Variants in PDE1A observed in about 807,000 individuals in gnomAD.
The protein encoded by PDE1A is phosphodiesterase 1A.
In PDE1A, 35 loss-of-function variants were observed where a neutral mutation model predicts 61.7. That is an observed-to-expected ratio of 0.57 (90% CI 0.43 to 0.75). The LOEUF (loss-of-function observed/expected upper bound fraction) is 0.75, where lower values mean the gene tolerates loss of function less well. PDE1A is among the 30% of genes least tolerant of loss of function. The probability of loss-of-function intolerance (pLI) is 0.00; values close to 1 mark genes in which losing one functional copy is unlikely to be tolerated. For missense variants in PDE1A, 597 were observed against 630.6 expected (o/e 0.95, Z 0.57); for synonymous variants, 232 against 213.2 (o/e 1.09, Z -0.77).
chr2:182,201,856 T>A, intron 8 of PDE1A, 67 bp from the exon 9 acceptor site: 4 of 920,930 alleles, frequency 4.3e-6, no homozygotes, highest in Non-Finnish European at 6.9e-6. Flanking sequence ...AACACTTCAA[T>A]AAATAATCAC....
intron 1 of PDE1A, among the ~76,000 whole-genome samples, chr2:182,398,617 A>T (rs1212170362): frequency 6.6e-6 from 1 of 151,994 alleles, no homozygotes; most frequent in Non-Finnish European, 1.5e-5. Context: ...ATAATTACAC[A>T]ACACTAAGTC....
chr2:182,140,827 A>G (rs950626056), exon 15 of PDE1A: 8 of 151,750 alleles, frequency 5.3e-5, no homozygotes, highest in Admixed American at 2.0e-4. Flanking sequence ...AAAACAAAGG[A>G]AGGAATAAAT....
intron 1 of PDE1A, among the ~76,000 whole-genome samples, chr2:182,370,417 G>A (rs1700068027): frequency 6.6e-6 from 1 of 152,104 alleles, no homozygotes; most frequent in Non-Finnish European, 1.5e-5. Flanking sequence ...CAGACAGTTG[G>A]TGAGAGAATG....
chr2:182,397,216 A>G (rs185365033), intron 1 of PDE1A, among the ~76,000 whole-genome samples: 4 of 152,226 alleles, frequency 2.6e-5, no homozygotes, highest in Non-Finnish European at 4.4e-5. Flanking sequence ...AGTAACAATA[A>G]TGAACCTAAC....
chr2:182,577,036 T>G, the PDE1A span, among the ~76,000 whole-genome samples: 2 of 152,230 alleles, frequency 1.3e-5, no homozygotes, highest in Non-Finnish European at 2.9e-5. Context: ...ATGAGTTGCT[T>G]TCTCTATTGA....
chr2:182,206,666 T>C (rs112472973), intron 7 of PDE1A, among the ~76,000 whole-genome samples: 5 of 152,318 alleles, frequency 3.3e-5, no homozygotes, highest in Admixed American at 1.3e-4. Context: ...ATGTTGCTGA[T>C]ATGGTTTGGC....
intron 2 of PDE1A, among the ~76,000 whole-genome samples, chr2:182,251,777 G>A (rs528052039): frequency 2.0e-4 from 31 of 152,204 alleles, no homozygotes; most frequent in African/African-American, 6.7e-4. Context: ...GAATTATATC[G>A]GGAGGAACAG....
chr2:182,188,004 A>G (rs767029859), intron 11 of PDE1A, among the ~76,000 whole-genome samples: 1 of 152,012 alleles, frequency 6.6e-6, no homozygotes. Context: ...CGGCCTCCCA[A>G]AGTGCTGGGA....
intron 1 of PDE1A, among the ~76,000 whole-genome samples, chr2:182,401,336 C>A (rs570944660): frequency 6.6e-6 from 1 of 152,218 alleles, no homozygotes; most frequent in Admixed American, 6.5e-5. Flanking sequence ...ATCAAGTTGG[C>A]TTCATCCCTG....
At chr2:182,624,329 T>C in the PDE1A span, among the ~76,000 whole-genome samples, 2 of 152,162 alleles carry the variant, frequency 1.3e-5, no homozygotes, top group African/African-American at 4.8e-5. Flanking sequence ...AGCTGCTTAT[T>C]GAAAAGGTCT....
At chr2:182,491,741 T>G (rs907792534) in intron 2 of PDE1A, among the ~76,000 whole-genome samples, 3 of 149,622 alleles carry the variant, frequency 2.0e-5, no homozygotes, top group Non-Finnish European at 3.0e-5. Flanking sequence ...CTTTACATTT[T>G]CCTACTACCT....
At chr2:182,230,052 T>A (rs1689451718) in exon 6 of PDE1A, 6 of 1,612,740 alleles carry the variant, frequency 3.7e-6, no homozygotes, top group African/African-American at 1.3e-5. Context: ...TTGAGTGACA[T>A]CAGCTGCATG....
the PDE1A span, among the ~76,000 whole-genome samples, chr2:182,704,383 A>C: frequency 6.6e-6 from 1 of 152,160 alleles, no homozygotes; most frequent in Admixed American, 6.5e-5. Context: ...CTGGCAGTGA[A>C]TCTGTGGCTA....
chr2:182,451,657 G>A lies in PDE1A; in HGVS notation c.101+70619C>T, dbSNP rs879466499. On this transcript the variant is annotated intron_variant, in intron 2 of 14. Coordinates refer to the PDE1A transcript ENST00000410103. ...TTTCAAGCCATAATCAGGGACCTGA[G>A]CTCACATGTCAATGCAAACTTGCAT... Among the ~76,000 whole-genome samples, 33 of 152,060 alleles carry A rather than the reference G, an allele frequency of 2.2e-4. 1 individual carries two copies. The highest frequency in any genetic ancestry group is 4.0e-4 in the Non-Finnish European group (27 of 68,018).
At chr2:182,523,244 T>C (rs1416585096), upstream of PDE1A, 1 of 152,104 alleles carries the variant, frequency 6.6e-6, no homozygotes, top group Non-Finnish European at 1.5e-5. Flanking sequence ...CTTGTGTGTG[T>C]GTGTGTTTTT....
intron 13 of PDE1A, among the ~76,000 whole-genome samples, chr2:182,153,760 CAAGTTGATGTG>C (rs1373535958): frequency 6.6e-6 from 1 of 151,932 alleles, no homozygotes; most frequent in Non-Finnish European, 1.5e-5. Flanking sequence ...CTCGTAGAGG[CAAGTTGATGTG>C]AAAGGCAACA....
intron 1 of PDE1A, among the ~76,000 whole-genome samples, chr2:182,421,703 A>C (rs572318588): frequency 1.3e-5 from 2 of 152,168 alleles, no homozygotes; most frequent in Non-Finnish European, 2.9e-5. Flanking sequence ...TACTTTTATC[A>C]CAACTGGAAA....
intron 2 of PDE1A, among the ~76,000 whole-genome samples, chr2:182,482,779 T>G (rs986915522): frequency 2.6e-5 from 4 of 151,946 alleles, no homozygotes; most frequent in Non-Finnish European, 5.9e-5. Context: ...CTGACTTGAT[T>G]TGGAACAGAG....
chr2:182,531,874 C>T, the PDE1A span, among the ~76,000 whole-genome samples: 1 of 152,126 alleles, frequency 6.6e-6, no homozygotes, highest in African/African-American at 2.4e-5. Context: ...CTACAGGCCC[C>T]GGTGTGTAAT....
Sources: allele counts gnomAD v4.1 joint callset (sites outside exome capture counted in the v4.1 genomes callset), GRCh38; gene constraint gnomAD v4.1.1; transcripts MANE v1.5; gene names NCBI Gene and HGNC (gene_info 2026-07-23, HGNC 2026-07-21).